Variants in CBFA2T3 observed in about 807,000 individuals in gnomAD.
CBFA2T3 encodes the protein transcriptional corepressor CBFA2T3.
CBFA2T3 carries 31 observed loss-of-function variants against 58.6 expected under a neutral mutation model. That is an observed-to-expected ratio of 0.53 (90% CI 0.40 to 0.71). The LOEUF (loss-of-function observed/expected upper bound fraction) is 0.71. CBFA2T3 is among the 30% of genes least tolerant of loss of function. The probability of loss-of-function intolerance (pLI) is 0.00; values close to 1 mark genes in which losing one functional copy is unlikely to be tolerated. For missense variants in CBFA2T3, 1,076 were observed against 963.1 expected, an observed-to-expected ratio of 1.12 and a Z score of -1.55; for synonymous variants, 531 against 421.9, an observed-to-expected ratio of 1.26 and a Z score of -3.17.
chr16:88,903,977 G>A (rs556558636), intron 1 of CBFA2T3, among the ~76,000 whole-genome samples: 2 of 152,232 alleles, frequency 1.3e-5, no homozygotes, highest in African/African-American at 2.4e-5. Context: ...ACGGGCGCTC[G>A]TAGGATGGAC....
At position 88,885,834 on chromosome 16, in the gene CBFA2T3, T is replaced by G. The variant is rs1011281237; in HGVS notation, c.893+127A>C. 3 of 830,172 alleles carry G rather than the reference T, an allele frequency of 3.6e-6. No individual in the cohort carries two copies. Among genetic ancestry groups the G allele is most frequent in the Non-Finnish European group, 5.6e-6 (3 of 535,536 alleles). 51.4% of individuals were successfully genotyped at this position (830,172 alleles called of 1,614,324 possible). The stretch of plus-strand genomic sequence containing the variant: ...CCCTAGTACACCTCGCCACGCTCCC[T>G]CAGCCCGAGAGAGCCGGCCGGGCTG... On this transcript the variant is annotated intron_variant, in intron 6 of 11. Transcript: ENST00000268679. The surrounding 1 kb of genome is among the most constrained non-coding windows in gnomAD (Gnocchi z 5.3).
intron 2 of CBFA2T3, among the ~76,000 whole-genome samples, chr16:88,901,272 A>G (rs1242415010): frequency 2.0e-5 from 3 of 152,178 alleles, no homozygotes; most frequent in Non-Finnish European, 4.4e-5. Context: ...ATTGCAGAAG[A>G]GGAAGCCCAG....
Position 88,900,674 on chromosome 16 carries a change from C to A in CBFA2T3, c.304+830G>T, listed in dbSNP as rs1428866447. 3.9e-5 allele frequency among the ~76,000 whole-genome samples: 6 copies of A among 152,104 alleles called. No individual in the cohort carries two copies. The South Asian group carries it at 8.3e-4, about 21-fold the overall frequency. The stretch of plus-strand genomic sequence containing the variant: ...GTGGAGGTGGTACATGGAGTCTCCC[C>A]CCTGCAGACACTGAGATGCACTCCT... On this transcript the variant is annotated intron_variant, in intron 2 of 11. Transcript: ENST00000268679.
rs563178400 is a variant in CBFA2T3 at position 88,889,287 on chromosome 16, G to GGGAGGAGGGATGGAGCGAT, written c.711+2576_711+2594dup. On this transcript the variant is annotated intron_variant, in intron 5 of 11. Transcript: ENST00000268679. Reference sequence around the variant, plus strand: ...GGCGTGGGAGGGGGCGGAGGAAGGCGGGAGGAGGGATGGAGCGATAGAGGA... The same window carrying GGGAGGAGGGATGGAGCGAT: ...GGCGTGGGAGGGGGCGGAGGAAGGCGGGAGGAGGGATGGAGCGATGGAGGAGGGATGGAGCGATAGAGGA... Among the ~76,000 whole-genome samples, 1,399 of 146,800 alleles carry GGGAGGAGGGATGGAGCGAT rather than the reference G, an allele frequency of 9.5e-3. 31 individuals carry two copies. The highest frequency in any genetic ancestry group is 0.034 in the African/African-American group (1,323 of 39,108).
intron 2 of CBFA2T3, among the ~76,000 whole-genome samples, chr16:88,899,885 C>T (rs140193686): frequency 7.4e-4 from 112 of 152,344 alleles, no homozygotes; most frequent in Non-Finnish European, 1.4e-3. Flanking sequence ...AGCGGTCTCC[C>T]TCTACCTATG....
intron 1 of CBFA2T3, among the ~76,000 whole-genome samples, chr16:88,921,563 GC>G (rs1567609447): frequency 2.2e-5 from 3 of 137,580 alleles, no homozygotes; most frequent in African/African-American, 8.1e-5. Context: ...TCTGTCTGCA[GC>G]CCCCTGCTCA....
At chr16:88,931,788 T>C (rs1971314413) in intron 1 of CBFA2T3, among the ~76,000 whole-genome samples, 1 of 152,088 alleles carries the variant, frequency 6.6e-6, no homozygotes, top group Non-Finnish European at 1.5e-5. Context: ...TGGATGCAGG[T>C]GCTGTGGTCC....
At position 88,932,401 on chromosome 16, in the gene CBFA2T3, G is replaced by A. The variant is rs529765709; in HGVS notation, c.152-30745C>T. On this transcript the variant is annotated intron_variant, in intron 1 of 11. Coordinates refer to ENST00000268679, the MANE Select transcript of CBFA2T3 (RefSeq NM_005187.6). ...TACAATCCCAGCACTTTGGGAGGCT[G>A]AGGTGGGAGGATCGTTTGAGCCCAG... 3.4e-3 allele frequency among the ~76,000 whole-genome samples: 510 copies of A among 152,226 alleles called. 4 individuals carry two copies. The highest frequency in any genetic ancestry group is 0.011 in the African/African-American group (475 of 41,532).
chr16:88,902,091 T>C (rs1043770281), intron 1 of CBFA2T3, among the ~76,000 whole-genome samples: 1 of 152,152 alleles, frequency 6.6e-6, no homozygotes, highest in African/African-American at 2.4e-5. Flanking sequence ...GACCCAGAAT[T>C]TGCATTTCCG....
chr16:88,910,602 G>A (rs928685243), intron 1 of CBFA2T3, among the ~76,000 whole-genome samples: 2 of 152,212 alleles, frequency 1.3e-5, no homozygotes, highest in Non-Finnish European at 2.9e-5. Flanking sequence ...AGAGCTGTGG[G>A]GTGAGCTGCG....
intron 1 of CBFA2T3, among the ~76,000 whole-genome samples, chr16:88,909,597 C>T (rs1970462129): frequency 1.3e-5 from 2 of 151,568 alleles, no homozygotes; most frequent in African/African-American, 2.4e-5. Context: ...GGACGGAGGA[C>T]GCCACTGCTT....
At chr16:88,939,217 T>G (rs984222071) in intron 1 of CBFA2T3, 1 of 152,218 alleles carries the variant, frequency 6.6e-6, no homozygotes, top group Non-Finnish European at 1.5e-5. Context: ...GGCTGGTGTG[T>G]GGCTTCGTAG....
intron 2 of CBFA2T3, among the ~76,000 whole-genome samples, chr16:88,899,058 TC>T (rs1970001329): frequency 6.8e-6 from 1 of 146,262 alleles, no homozygotes; most frequent in Admixed American, 6.8e-5. Context: ...TTATATGCCT[TC>T]CCCCTCCCCA....
At position 88,942,508 on chromosome 16, in the gene CBFA2T3, T is replaced by C. The variant is rs181620981; in HGVS notation, c.151+34149A>G. Among the ~76,000 whole-genome samples the C allele has an allele frequency of 9.4e-3, 1,426 of 152,232 alleles. 17 individuals carry two copies. The highest frequency in any genetic ancestry group is 0.033 in the African/African-American group (1,362 of 41,532). On this transcript the variant is annotated intron_variant, in intron 1 of 11. Coordinates refer to ENST00000268679, the MANE Select transcript of CBFA2T3 (RefSeq NM_005187.6). Reference sequence around the variant, plus strand: ...TTCCAGCTTTGTGCCGCGGGCCTTTTCCCCCCACCCCTCGTCCCTCTCATG... The same window carrying C: ...TTCCAGCTTTGTGCCGCGGGCCTTTCCCCCCCACCCCTCGTCCCTCTCATG...
At chr16:88,963,750 A>G (rs1350336405) in intron 1 of CBFA2T3, among the ~76,000 whole-genome samples, 1 of 152,192 alleles carries the variant, frequency 6.6e-6, no homozygotes, top group Non-Finnish European at 1.5e-5. Flanking sequence ...CTCAGCTGAC[A>G]CTTCGTGAGC....
intron 1 of CBFA2T3, among the ~76,000 whole-genome samples, chr16:88,908,336 T>G (rs1360397177): frequency 6.7e-6 from 1 of 148,904 alleles, no homozygotes; most frequent in Non-Finnish European, 1.5e-5. Flanking sequence ...AGCGAGACTC[T>G]GTTTCAAAAA....
intron 1 of CBFA2T3, among the ~76,000 whole-genome samples, chr16:88,952,525 C>A (rs963676977): frequency 2.0e-5 from 3 of 152,158 alleles, no homozygotes; most frequent in Non-Finnish European, 4.4e-5. Context: ...AAGACAAATG[C>A]GGCCCTGCCA....
At chr16:88,921,466 T>G (rs1970917338) in intron 1 of CBFA2T3, among the ~76,000 whole-genome samples, 1 of 152,134 alleles carries the variant, frequency 6.6e-6, no homozygotes, top group African/African-American at 2.4e-5. Flanking sequence ...CCAGCCGGGA[T>G]TTCCCGATCC....
In CBFA2T3 at chr16:88,892,477, C is replaced by T. The variant is rs769175760; in HGVS notation, c.388G>A (p.Gly130Ser). The T allele has an allele frequency of 1.1e-5, 17 of 1,612,324 alleles. No individual in the cohort carries two copies. In the Admixed American group the frequency reaches 1.3e-4, roughly 13 times the overall value. ...KWSMVCLLMN[G>S]SSHSPTAING... is the part of the protein sequence containing the mutation. ...ATGGCTGTTGGTGAGTGGCTGCTGCCGTTCATCACTGCAGGAGGGAAGCGG... is the reference window on the plus strand; with the variant it reads ...ATGGCTGTTGGTGAGTGGCTGCTGCTGTTCATCACTGCAGGAGGGAAGCGG... Residue 130 changes from glycine (G) to serine (S), a missense_variant, in exon 4 of 12, where the codon GGC becomes AGC. By Grantham distance (56) the Gly-to-Ser change is moderately conservative. Coordinates refer to ENST00000268679, the MANE Select transcript of CBFA2T3 (RefSeq NM_005187.6).
Sources: allele counts gnomAD v4.1 joint callset (sites outside exome capture counted in the v4.1 genomes callset), GRCh38; gene constraint gnomAD v4.1.1; non-coding constraint Gnocchi (gnomAD v3.1); transcripts MANE v1.5; gene names NCBI Gene and HGNC (gene_info 2026-07-23, HGNC 2026-07-21).